MYLK: variants seen among roughly 807,000 people sequenced by gnomAD.
The protein encoded by MYLK is myosin light chain kinase, smooth muscle.
Under a neutral mutation model 203.4 loss-of-function variants are expected in MYLK, and 106 were observed. The observed-to-expected ratio is 0.52, with a 90% confidence interval of 0.45 to 0.61. The LOEUF (loss-of-function observed/expected upper bound fraction) is 0.61, where lower values mean the gene tolerates loss of function less well. Among genes scored for constraint, MYLK ranks in the 20% least tolerant of loss-of-function variants. The probability of loss-of-function intolerance (pLI) is 0.00; values close to 1 mark genes in which losing one functional copy is unlikely to be tolerated. For synonymous variants in MYLK, 867 were observed against 959.5 expected (o/e 0.90, Z 1.78); for missense variants, 2,072 against 2,442.3 (o/e 0.85, Z 3.20).
chr3:123,633,842 T>C (rs2058534438), intron 29 of MYLK, among the ~76,000 whole-genome samples: 1 of 152,038 alleles, frequency 6.6e-6, no homozygotes, highest in Non-Finnish European at 1.5e-5. Flanking sequence ...TGTGTGTGTG[T>C]GCGTGTATGT....
intron 20 of MYLK, chr3:123,681,575 C>A (rs1285543008): frequency 6.5e-6 from 1 of 153,292 alleles, no homozygotes; most frequent in Non-Finnish European, 1.5e-5. Flanking sequence ...AAAGGTGTCC[C>A]ATGGAGAGAG....
rs192537877 is a variant in MYLK at position 123,670,567 on chromosome 3, C to T, written c.3653-3380G>A. On this transcript the variant is annotated intron_variant, in intron 20 of 33. Coordinates refer to ENST00000360304, the MANE Select transcript of MYLK (RefSeq NM_053025.4). ...GCCAGGAGTTCGAGACTAACCTGGG[C>T]AACACGGCAAGACCCTGTCTCTGTA... Among the ~76,000 whole-genome samples the T allele has an allele frequency of 1.0e-3, 159 of 152,054 alleles. 2 individuals carry two copies. Among genetic ancestry groups the T allele is most frequent in the African/African-American group, 2.9e-3 (120 of 41,466 alleles).
At chr3:123,861,456 G>C (rs753426449) in intron 2 of MYLK, among the ~76,000 whole-genome samples, 5 of 152,260 alleles carry the variant, frequency 3.3e-5, no homozygotes, top group Non-Finnish European at 5.9e-5. Context: ...CTAAAGTGCT[G>C]CCCTCACAGT....
chr3:123,680,632 C>G (rs1448385705), intron 20 of MYLK, among the ~76,000 whole-genome samples: 3 of 152,122 alleles, frequency 2.0e-5, no homozygotes. Flanking sequence ...ATTTCTCTGC[C>G]CCAACATACT....
chr3:123,858,384 G>A (rs893663232), intron 2 of MYLK, among the ~76,000 whole-genome samples: 49 of 152,114 alleles, frequency 3.2e-4, no homozygotes, highest in Non-Finnish European at 6.8e-4. Flanking sequence ...ATAGCCATAG[G>A]CCTCTTAGTC....
chr3:123,880,073 A>G (rs181209470), intron 1 of MYLK, among the ~76,000 whole-genome samples: 83 of 152,338 alleles, frequency 5.4e-4, no homozygotes, highest in African/African-American at 1.9e-3. Context: ...CGGTATATAT[A>G]ATAAAAGCTA....
At chr3:123,861,070 C>A (rs2031857350) in intron 2 of MYLK, among the ~76,000 whole-genome samples, 1 of 149,092 alleles carries the variant, frequency 6.7e-6, no homozygotes, top group Non-Finnish European at 1.5e-5. Context: ...GCGGAGCCTG[C>A]AGTTAGCTGA....
intron 2 of MYLK, among the ~76,000 whole-genome samples, chr3:123,857,900 C>T (rs1367760395): frequency 6.6e-6 from 1 of 152,202 alleles, no homozygotes; most frequent in Non-Finnish European, 1.5e-5. Context: ...TAATAGCCTA[C>T]ACTGGGCCTG....
intron 3 of MYLK, among the ~76,000 whole-genome samples, chr3:123,818,387 C>T (rs1038548677): frequency 6.6e-6 from 1 of 152,170 alleles, no homozygotes; most frequent in Non-Finnish European, 1.5e-5. Context: ...GACCCTCTTG[C>T]TATGACTCTG....
intron 3 of MYLK, among the ~76,000 whole-genome samples, chr3:123,816,602 G>A (rs2065758041): frequency 6.6e-6 from 1 of 152,170 alleles, no homozygotes. Context: ...ACATAAGACA[G>A]AAATTTTCAT....
At chr3:123,758,669 T>C (rs1281114798) in intron 4 of MYLK, among the ~76,000 whole-genome samples, 1 of 152,198 alleles carries the variant, frequency 6.6e-6, no homozygotes, top group Non-Finnish European at 1.5e-5. Flanking sequence ...GGGGTTACAA[T>C]TCAAGCCCTT....
chr3:123,782,158 T>C (rs1187673551), intron 4 of MYLK, among the ~76,000 whole-genome samples: 2 of 152,174 alleles, frequency 1.3e-5, no homozygotes, highest in Non-Finnish European at 2.9e-5. Flanking sequence ...AAGGCAACTA[T>C]GTGGGAACTA....
intron 29 of MYLK, among the ~76,000 whole-genome samples, chr3:123,631,813 C>T (rs1023231871): frequency 3.3e-5 from 5 of 151,772 alleles, no homozygotes; most frequent in Middle Eastern, 3.4e-3. Flanking sequence ...TACCTGTCCC[C>T]GAGTCTGCAC....
rs547904030 is a variant in MYLK, at chr3:123,629,216, G to A, written c.5114+258C>T. On this transcript the variant is annotated intron_variant, in intron 30 of 33. Transcript: ENST00000360304. This position sits in a 1 kb window ranked among gnomAD's most constrained non-coding sequence, Gnocchi z 4.4. The stretch of plus-strand genomic sequence containing the variant: ...TTGCTCTGTAACGTGGTCAAGTGTC[G>A]CTTTTCAAGTCAGGTGTCTGAGCCT... 8.5e-5 allele frequency among the ~76,000 whole-genome samples: 13 copies of A among 152,286 alleles called. No homozygotes were observed. Among genetic ancestry groups the A allele is most frequent in the East Asian group, 1.9e-4 (1 of 5,170 alleles).
intron 1 of MYLK, among the ~76,000 whole-genome samples, chr3:123,878,715 C>T (rs1270038498): frequency 1.3e-5 from 2 of 152,100 alleles, no homozygotes; most frequent in Non-Finnish European, 2.9e-5. Context: ...TAGACGAAGT[C>T]TTGCTCTTGT....
intron 1 of MYLK, among the ~76,000 whole-genome samples, chr3:123,877,296 G>A (rs796076283): frequency 5.9e-5 from 9 of 152,252 alleles, no homozygotes; most frequent in African/African-American, 2.2e-4. Flanking sequence ...TGTTCTGTGT[G>A]AAACAGGGAG....
intron 18 of MYLK, among the ~76,000 whole-genome samples, chr3:123,698,595 C>T (rs566683911): frequency 1.2e-4 from 19 of 152,140 alleles, no homozygotes; most frequent in Non-Finnish European, 1.5e-4. Flanking sequence ...GGGGCTGAGC[C>T]AGCAGAGGTG....
At chr3:123,712,851 T>C (rs143698608) in intron 13 of MYLK, among the ~76,000 whole-genome samples, 220 of 152,370 alleles carry the variant, frequency 1.4e-3, no homozygotes, top group African/African-American at 5.2e-3. Context: ...TCATTATCAA[T>C]GAGAACATTT....
intron 13 of MYLK, among the ~76,000 whole-genome samples, chr3:123,720,389 C>T (rs947776161): frequency 1.3e-5 from 2 of 152,070 alleles, no homozygotes; most frequent in East Asian, 3.9e-4. Context: ...TGGATTAGTC[C>T]TTGGCTGTGG....
Sources: allele counts gnomAD v4.1 joint callset (sites outside exome capture counted in the v4.1 genomes callset), GRCh38; gene constraint gnomAD v4.1.1; non-coding constraint Gnocchi (gnomAD v3.1); transcripts MANE v1.5; gene names NCBI Gene and HGNC (gene_info 2026-07-23, HGNC 2026-07-21).